Variants in STXBP5L observed in about 807,000 individuals in gnomAD.
The protein encoded by STXBP5L is syntaxin-binding protein 5-like.
In STXBP5L, 65 loss-of-function variants were observed where a neutral mutation model predicts 144.5. The observed-to-expected ratio is 0.45, with a 90% CI of 0.37 to 0.55. The LOEUF is 0.55. STXBP5L is among the 20% of genes least tolerant of loss of function. The pLI is 0.00. For synonymous variants in STXBP5L, 505 were observed against 469.6 expected (o/e 1.08, Z -0.97); for missense variants, 1,298 against 1,405.5 (o/e 0.92, Z 1.22).
chr3:120,936,906 T>G (rs142138312), intron 2 of STXBP5L, among the ~76,000 whole-genome samples: 1,575 of 152,162 alleles, frequency 0.01, 116 homozygotes, highest in Admixed American at 0.098. Flanking sequence ...GGTGTTGAGG[T>G]GTGGGGGAGG....
intron 11 of STXBP5L, among the ~76,000 whole-genome samples, chr3:121,226,508 G>A (rs2049128865): frequency 6.6e-6 from 1 of 152,102 alleles, no homozygotes; most frequent in African/African-American, 2.4e-5. Context: ...TATCCTATGG[G>A]TACGGTTTGT....
intron 3 of STXBP5L, among the ~76,000 whole-genome samples, chr3:121,011,923 C>G (rs1944803144): frequency 6.6e-6 from 1 of 151,756 alleles, no homozygotes; most frequent in Non-Finnish European, 1.5e-5. Flanking sequence ...ATTTCCATCA[C>G]TCCAGAAAGA....
At chr3:121,085,305 G>A (rs139329537) in intron 5 of STXBP5L, among the ~76,000 whole-genome samples, 21 of 152,190 alleles carry the variant, frequency 1.4e-4, no homozygotes, top group African/African-American at 4.8e-4. Context: ...CCTATGTCCT[G>A]AGTGGTATTG....
At chr3:121,046,431 A>G (rs1947520743) in intron 5 of STXBP5L, among the ~76,000 whole-genome samples, 1 of 152,120 alleles carries the variant, frequency 6.6e-6, no homozygotes, top group African/African-American at 2.4e-5. Flanking sequence ...TTCAGTTAGA[A>G]TGGTACAAGC....
At chr3:121,042,228 G>A (rs1236612475) in intron 4 of STXBP5L, among the ~76,000 whole-genome samples, 1 of 151,988 alleles carries the variant, frequency 6.6e-6, no homozygotes, top group Non-Finnish European at 1.5e-5. Flanking sequence ...ACATTTGTTG[G>A]AATAGATATG....
At chr3:121,133,099 G>T (rs2045072651) in intron 7 of STXBP5L, among the ~76,000 whole-genome samples, 1 of 152,148 alleles carries the variant, frequency 6.6e-6, no homozygotes, top group Non-Finnish European at 1.5e-5. Flanking sequence ...GCTAGGTATG[G>T]TGGCTTATGC....
intron 11 of STXBP5L, among the ~76,000 whole-genome samples, chr3:121,230,896 C>T (rs927270431): frequency 3.9e-5 from 6 of 152,040 alleles, no homozygotes; most frequent in Admixed American, 2.6e-4. Flanking sequence ...TCGGGCGGAC[C>T]GGCAGGAAGA....
chr3:120,994,563 T>C (rs1220917039), intron 3 of STXBP5L, among the ~76,000 whole-genome samples: 1 of 152,124 alleles, frequency 6.6e-6, no homozygotes, highest in African/African-American at 2.4e-5. Flanking sequence ...TTTGTGTCCT[T>C]ATTTTGTTGA....
At chr3:121,042,880 C>T (rs965828077) in intron 4 of STXBP5L, among the ~76,000 whole-genome samples, 29 of 151,646 alleles carry the variant, frequency 1.9e-4, no homozygotes, top group Non-Finnish European at 3.5e-4. Context: ...AAAAATATTT[C>T]ATTGTAATAA....
chr3:121,403,227 A>G (rs1459174641), intron 22 of STXBP5L, among the ~76,000 whole-genome samples: 2 of 152,120 alleles, frequency 1.3e-5, no homozygotes, highest in East Asian at 3.9e-4. Flanking sequence ...ATTTAACAGA[A>G]TCATTCTATC....
At chr3:121,380,278 C>A (rs112832509) in intron 21 of STXBP5L, among the ~76,000 whole-genome samples, 3 of 152,030 alleles carry the variant, frequency 2.0e-5, no homozygotes, top group African/African-American at 7.2e-5. Flanking sequence ...AATTTTATGA[C>A]AAACAATTAT....
intron 9 of STXBP5L, among the ~76,000 whole-genome samples, chr3:121,205,715 T>C (rs2048308919): frequency 6.6e-6 from 1 of 152,182 alleles, no homozygotes; most frequent in South Asian, 2.1e-4. Flanking sequence ...TTTTATGAAT[T>C]ATATAGCAGA....
chr3:121,029,587 A>G (rs1946213848), intron 3 of STXBP5L, among the ~76,000 whole-genome samples: 1 of 152,172 alleles, frequency 6.6e-6, no homozygotes, highest in Non-Finnish European at 1.5e-5. Context: ...CCTAGAGGAA[A>G]ACCTAGGCAA....
At chr3:121,090,484 A>G (rs2042723570) in intron 5 of STXBP5L, among the ~76,000 whole-genome samples, 1 of 152,176 alleles carries the variant, frequency 6.6e-6, no homozygotes, top group Admixed American at 6.6e-5. Flanking sequence ...GATGTAGAAA[A>G]TATTATTTCT....
chr3:121,208,955 T>C (rs2048446532), intron 10 of STXBP5L, among the ~76,000 whole-genome samples: 1 of 152,038 alleles, frequency 6.6e-6, no homozygotes, highest in Non-Finnish European at 1.5e-5. Flanking sequence ...TGTGTGATGT[T>C]CCCCTCCCTA....
chr3:121,087,309 C>G (rs1009084901), intron 5 of STXBP5L, among the ~76,000 whole-genome samples: 1 of 151,970 alleles, frequency 6.6e-6, no homozygotes, highest in Non-Finnish European at 1.5e-5. Flanking sequence ...TCATGGATTT[C>G]TTTTTCCTCC....
At chr3:120,912,466 T>C (rs1177103601) in intron 2 of STXBP5L, among the ~76,000 whole-genome samples, 1 of 151,926 alleles carries the variant, frequency 6.6e-6, no homozygotes, top group African/African-American at 2.4e-5. Flanking sequence ...TTTATATTTG[T>C]TTTTTATTGT....
At chr3:120,985,125 TC>T (rs1438264107) in intron 3 of STXBP5L, among the ~76,000 whole-genome samples, 2 of 152,116 alleles carry the variant, frequency 1.3e-5, no homozygotes, top group Admixed American at 1.3e-4. Flanking sequence ...GCTTTTTTTT[TC>T]TAGTAGTGTA....
At chr3:121,231,635 AC>A (rs879317849) in intron 11 of STXBP5L, among the ~76,000 whole-genome samples, 3 of 152,144 alleles carry the variant, frequency 2.0e-5, no homozygotes, top group Admixed American at 2.0e-4. Flanking sequence ...AAGGCCCTGC[AC>A]TAGAAAGAGA....
Sources: gnomAD v4.1 joint callset for allele counts (sites outside exome capture counted in the v4.1 genomes callset) on GRCh38, gnomAD v4.1.1 for gene constraint, MANE v1.5 for transcripts, NCBI Gene and HGNC (gene_info 2026-07-23, HGNC 2026-07-21) for gene names.